The following AVEN variants were observed in gnomAD, a reference collection of about 807,000 sequenced individuals.
The protein encoded by AVEN is cell death regulator Aven.
Under a neutral mutation model 38.1 loss-of-function variants are expected in AVEN, and 41 were observed. The ratio of observed to expected loss-of-function variants is 1.08; its 90% CI spans 0.84 to 1.40. AVEN has a LOEUF of 1.40. Ranked by LOEUF, AVEN falls within the 40% of genes most tolerant of loss-of-function variation. AVEN has a pLI of 0.00. For synonymous variants in AVEN, 206 were observed against 171.8 expected, an observed-to-expected ratio of 1.20 and a Z score of -1.56; for missense variants, 605 against 438.8, an observed-to-expected ratio of 1.38 and a Z score of -3.38.
chr15:33,910,687 G>A (rs558170705), intron 2 of AVEN, among the ~76,000 whole-genome samples: 17 of 152,280 alleles, frequency 1.1e-4, no homozygotes, highest in Non-Finnish European at 2.2e-4. Context: ...TGTCTAATGG[G>A]ACACATTGGT....
chr15:33,866,651 C>T lies in AVEN; in HGVS notation c.1051G>A (p.Glu351Lys), dbSNP rs1890549535. 2 of 1,614,114 alleles carry T rather than the reference C, an allele frequency of 1.2e-6. No homozygotes were observed. Among genetic ancestry groups the T allele is most frequent in the South Asian group, 1.1e-5 (1 of 91,076 alleles). ...QPSTSKNVTE[E>K]ELEDWLDSMI... is the part of the protein sequence containing the mutation. The stretch of plus-strand genomic sequence containing the variant: ...CTGTCCAACCAGTCTTCCAGCTCTT[C>T]CTCGGTAACATTTTTGGAGGTACTT... Residue 351 changes from glutamate to lysine, a missense_variant, in exon 6 of 6, where the codon GAA (glutamate) becomes AAA (lysine). Coordinates refer to ENST00000306730, the MANE Select transcript of AVEN (RefSeq NM_020371.3).
chr15:33,854,372 C>T (rs2079423986), downstream of AVEN: 2 of 1,552,364 alleles, frequency 1.3e-6, no homozygotes. Context: ...GTTTTAAAAT[C>T]ACTTGTTCTT....
At chr15:33,968,099 TAAAAAAAAAAA>T (rs71119906) in intron 2 of AVEN, among the ~76,000 whole-genome samples, 18 of 25,852 alleles carry the variant, frequency 7.0e-4, no homozygotes, top group East Asian at 2.7e-3. Context: ...TAGCAAAGCT[TAAAAAAAAAAA>T]AAAAAAAAAA....
chr15:34,036,078 G>A (rs1245851342), intron 1 of AVEN, among the ~76,000 whole-genome samples: 2 of 149,876 alleles, frequency 1.3e-5, no homozygotes, highest in South Asian at 2.1e-4. Context: ...TTACAAGCGC[G>A]AGCCACCACA....
At chr15:34,003,296 C>T in intron 1 of AVEN, 87 bp from the exon 2 acceptor site, 4 of 1,171,260 alleles carry the variant, frequency 3.4e-6, no homozygotes, top group Non-Finnish European at 4.9e-6. Context: ...AGTACATGGA[C>T]ATAACAATAA....
chr15:33,858,018 TAG>T (rs1294904468), downstream of AVEN: 8 of 1,425,618 alleles, frequency 5.6e-6, no homozygotes, highest in Admixed American at 4.1e-5. Context: ...TTGAGAACTG[TAG>T]AGTTAGTTAC....
At chr15:33,867,354 G>T in intron 5 of AVEN, 141 bp downstream of exon 5, 4 of 1,223,334 alleles carry the variant, frequency 3.3e-6, no homozygotes, top group Non-Finnish European at 4.4e-6. Context: ...GCAGAGACGT[G>T]AGCACAGAAA....
intron 2 of AVEN, among the ~76,000 whole-genome samples, chr15:33,952,785 A>G (rs1173279763): frequency 6.6e-6 from 1 of 152,014 alleles, no homozygotes; most frequent in East Asian, 1.9e-4. Flanking sequence ...AGGGCACTAT[A>G]CGAAGACATC....
At chr15:34,043,226 G>A (rs1166112445), upstream of AVEN, among the ~76,000 whole-genome samples, 1 of 149,962 alleles carries the variant, frequency 6.7e-6, no homozygotes, top group African/African-American at 2.5e-5. Flanking sequence ...CAGCCTGGGC[G>A]ACCGAGCAAG....
At chr15:33,896,636 A>C (rs1892245539) in intron 2 of AVEN, among the ~76,000 whole-genome samples, 1 of 152,212 alleles carries the variant, frequency 6.6e-6, no homozygotes, top group African/African-American at 2.4e-5. Context: ...TAACTTGCAG[A>C]GTTCCTGAAT....
At chr15:33,959,679 G>A (rs887508208) in intron 2 of AVEN, among the ~76,000 whole-genome samples, 6 of 152,196 alleles carry the variant, frequency 3.9e-5, no homozygotes, top group African/African-American at 9.7e-5. Context: ...GAATGAGAAC[G>A]AGGAAGAAGA....
At chr15:33,905,505 T>G (rs1324828771) in intron 2 of AVEN, among the ~76,000 whole-genome samples, 1 of 152,040 alleles carries the variant, frequency 6.6e-6, no homozygotes, top group Admixed American at 6.5e-5. Context: ...AAACTAATCT[T>G]CTCCAGGGAT....
At chr15:33,893,951 A>ATT (rs11463061) in intron 2 of AVEN, among the ~76,000 whole-genome samples, 50,215 of 142,214 alleles carry the variant, frequency 0.35, 9,306 homozygotes, top group Admixed American at 0.4. Flanking sequence ...TGATGCCAAG[A>ATT]TTTTTTTTTT....
chr15:33,926,518 A>T (rs1385518575), intron 2 of AVEN, among the ~76,000 whole-genome samples: 1 of 152,114 alleles, frequency 6.6e-6, no homozygotes, highest in Admixed American at 6.5e-5. Context: ...TCCTCTTTAA[A>T]ATGAAAGTAA....
chr15:34,024,106 C>T (rs1204605711), intron 1 of AVEN, among the ~76,000 whole-genome samples: 1 of 152,162 alleles, frequency 6.6e-6, no homozygotes, highest in African/African-American at 2.4e-5. Context: ...TATTCAATTA[C>T]ACAACAAATA....
chr15:34,031,278 G>A (rs1343747723), intron 1 of AVEN, among the ~76,000 whole-genome samples: 1 of 140,926 alleles, frequency 7.1e-6, no homozygotes, highest in Non-Finnish European at 1.5e-5. Flanking sequence ...GGGTTCAAGC[G>A]ATTCTCCTGT....
chr15:33,928,226 CACAA>C (rs1893703969), intron 2 of AVEN, among the ~76,000 whole-genome samples: 2 of 152,310 alleles, frequency 1.3e-5, no homozygotes, highest in South Asian at 2.1e-4. Flanking sequence ...ACAACAAAGA[CACAA>C]ACAAACTGGT....
At chr15:33,944,243 C>G (rs1327785186) in intron 2 of AVEN, among the ~76,000 whole-genome samples, 1 of 152,154 alleles carries the variant, frequency 6.6e-6, no homozygotes, top group African/African-American at 2.4e-5. Context: ...ATGAAACAAG[C>G]AACTATACTG....
chr15:33,876,980 G>T (rs1332263129), intron 2 of AVEN, among the ~76,000 whole-genome samples: 1 of 152,090 alleles, frequency 6.6e-6, no homozygotes, highest in African/African-American at 2.4e-5. Context: ...TAAAACTGTA[G>T]AATTAGAATA....
Sources: allele counts gnomAD v4.1 joint callset (sites outside exome capture counted in the v4.1 genomes callset), GRCh38; gene constraint gnomAD v4.1.1; transcripts MANE v1.5; gene names NCBI Gene and HGNC (gene_info 2026-07-23, HGNC 2026-07-21).